The following ERC2 variants were observed in gnomAD, a reference collection of about 807,000 sequenced individuals.
ERC2 encodes ELKS/RAB6-interacting/CAST family member 2.
In ERC2, 42 loss-of-function variants were observed where a neutral mutation model predicts 114.8. The observed-to-expected ratio is 0.37, with a 90% CI of 0.29 to 0.47. The LOEUF (loss-of-function observed/expected upper bound fraction) is 0.47. Ranked by LOEUF, ERC2 falls within the 20% of genes least tolerant of loss-of-function variation. The probability of loss-of-function intolerance (pLI) is 0.99; values close to 1 mark genes in which losing one functional copy is unlikely to be tolerated. For missense variants in ERC2, 939 were observed against 1,150.7 expected (o/e 0.82, Z 2.66); for synonymous variants, 454 against 425.5 (o/e 1.07, Z -0.82).
At chr3:56,120,627 T>C (rs1174953694) in intron 6 of ERC2, among the ~76,000 whole-genome samples, 1 of 152,200 alleles carries the variant, frequency 6.6e-6, no homozygotes, top group East Asian at 1.9e-4. Flanking sequence ...TCCTGACACA[T>C]GTAGTGCTGA....
chr3:56,430,527 C>G (rs2061747185), intron 2 of ERC2, among the ~76,000 whole-genome samples: 1 of 152,170 alleles, frequency 6.6e-6, no homozygotes, highest in South Asian at 2.1e-4. Flanking sequence ...GTGACAGTAC[C>G]AAGATAACAC....
intron 14 of ERC2, among the ~76,000 whole-genome samples, chr3:55,856,564 A>G (rs1009914475): frequency 1.3e-5 from 2 of 152,212 alleles, no homozygotes; most frequent in African/African-American, 4.8e-5. Flanking sequence ...ACACACATGT[A>G]TATGTCTCTG....
chr3:56,296,481 A>G, intron 2 of ERC2, 46 bp from the exon 3 acceptor site: 3 of 1,548,944 alleles, frequency 1.9e-6, no homozygotes, highest in Non-Finnish European at 2.6e-6. Context: ...AAGGAAAAAA[A>G]GTCAATGAAA....
At chr3:55,574,199 T>C (rs565489023) in intron 17 of ERC2, among the ~76,000 whole-genome samples, 3 of 152,270 alleles carry the variant, frequency 2.0e-5, no homozygotes, top group African/African-American at 7.2e-5. Flanking sequence ...TGAAGTGACT[T>C]ATCCAAGGCT....
intron 17 of ERC2, among the ~76,000 whole-genome samples, chr3:55,614,334 G>A (rs2059036834): frequency 6.6e-6 from 1 of 152,212 alleles, no homozygotes; most frequent in Non-Finnish European, 1.5e-5. Flanking sequence ...CCAGGTATCA[G>A]TTGGGGAGGA....
At chr3:55,615,958 TG>T (rs2148582028) in intron 17 of ERC2, among the ~76,000 whole-genome samples, 1 of 152,352 alleles carries the variant, frequency 6.6e-6, no homozygotes, top group South Asian at 2.1e-4. Flanking sequence ...GCTTTAATTT[TG>T]TTTCTGAGTC....
intron 17 of ERC2, among the ~76,000 whole-genome samples, chr3:55,528,473 G>A (rs537194232): frequency 6.6e-6 from 1 of 152,206 alleles, no homozygotes; most frequent in African/African-American, 2.4e-5. Context: ...GCTGCCATTC[G>A]CTGAATACCT....
intron 14 of ERC2, among the ~76,000 whole-genome samples, chr3:55,869,060 A>G (rs1458066): frequency 0.096 from 14,572 of 152,160 alleles, 784 homozygotes; most frequent in South Asian, 0.16. Flanking sequence ...TTCATGAGGG[A>G]AAGGTAATGC....
rs2076956553 is a variant in ERC2, at chr3:56,076,097, C to A, written c.1641+4720G>T. On this transcript the variant is annotated intron_variant, in intron 7 of 17. Transcript: ENST00000288221. ...GCCAACTCCATTCACCCCTCTCTAC[C>A]TTTTCCAACCCACAGGGCAATCCAC... 2.0e-5 allele frequency among the ~76,000 whole-genome samples: 3 copies of A among 152,110 alleles called. No homozygotes were observed. The South Asian group carries it at 6.2e-4, about 32-fold the overall frequency.
At chr3:55,534,017 C>T (rs2053834896) in intron 17 of ERC2, among the ~76,000 whole-genome samples, 1 of 152,150 alleles carries the variant, frequency 6.6e-6, no homozygotes, top group South Asian at 2.1e-4. Flanking sequence ...TGGTCATGTG[C>T]CTTGGGCAAG....
At chr3:56,010,277 A>G (rs946632625) in intron 9 of ERC2, among the ~76,000 whole-genome samples, 172 bp downstream of exon 9, 3 of 146,030 alleles carry the variant, frequency 2.1e-5, no homozygotes, top group South Asian at 2.2e-4. Context: ...AGATGAAGGA[A>G]GTTACAAAAA....
At chr3:56,446,201 G>C (rs2062554693) in intron 1 of ERC2, among the ~76,000 whole-genome samples, 1 of 152,198 alleles carries the variant, frequency 6.6e-6, no homozygotes, top group Admixed American at 6.5e-5. Flanking sequence ...CCAGGATTCA[G>C]AGTAAGTGAG....
At chr3:56,049,859 T>C (rs1007423910) in intron 7 of ERC2, among the ~76,000 whole-genome samples, 1 of 145,738 alleles carries the variant, frequency 6.9e-6, no homozygotes, top group Admixed American at 7.1e-5. Context: ...TGTGTGTGTG[T>C]GTATCCTATT....
chr3:55,617,493 C>T (rs1221155296), intron 17 of ERC2, among the ~76,000 whole-genome samples: 1 of 152,180 alleles, frequency 6.6e-6, no homozygotes, highest in African/African-American at 2.4e-5. Context: ...TCATTCCCCT[C>T]CGGCCAGCAG....
chr3:56,298,830 G>A (rs1310204880), intron 2 of ERC2, among the ~76,000 whole-genome samples: 1 of 152,136 alleles, frequency 6.6e-6, no homozygotes, highest in Non-Finnish European at 1.5e-5. Flanking sequence ...ATTTCACACT[G>A]TAAATGAGTG....
At chr3:55,704,477 C>T (rs1166198163) in intron 15 of ERC2, among the ~76,000 whole-genome samples, 3 of 152,196 alleles carry the variant, frequency 2.0e-5, no homozygotes, top group East Asian at 3.9e-4. Flanking sequence ...TCTTTTCTGT[C>T]CCTTTTTCCC....
At chr3:55,680,695 T>A (rs2062017282) in intron 17 of ERC2, among the ~76,000 whole-genome samples, 1 of 152,114 alleles carries the variant, frequency 6.6e-6, no homozygotes, top group South Asian at 2.1e-4. Flanking sequence ...CAGGGATGCC[T>A]ATGATGGCAA....
At chr3:56,298,765 C>T (rs1228536455) in intron 2 of ERC2, among the ~76,000 whole-genome samples, 1 of 152,132 alleles carries the variant, frequency 6.6e-6, no homozygotes, top group East Asian at 1.9e-4. Context: ...AAAATGTTCT[C>T]AAGTTAGATA....
chr3:55,972,886 C>T (rs925378091), intron 12 of ERC2, among the ~76,000 whole-genome samples: 3 of 152,090 alleles, frequency 2.0e-5, no homozygotes, highest in African/African-American at 7.2e-5. Flanking sequence ...GAAACGTATG[C>T]TCCAATATAG....
Sources: allele counts gnomAD v4.1 joint callset (sites outside exome capture counted in the v4.1 genomes callset), GRCh38; gene constraint gnomAD v4.1.1; transcripts MANE v1.5; gene names NCBI Gene and HGNC (gene_info 2026-07-23, HGNC 2026-07-21).